The following PTPRD variants were observed in gnomAD, a reference collection of about 807,000 sequenced individuals.
The protein encoded by PTPRD is receptor-type tyrosine-protein phosphatase delta.
Under a neutral mutation model 214.5 loss-of-function variants are expected in PTPRD, and 34 were observed. That is an observed-to-expected ratio of 0.16 (90% CI 0.12 to 0.21). The LOEUF (loss-of-function observed/expected upper bound fraction) is 0.21. PTPRD is among the 10% of genes least tolerant of loss of function. PTPRD has a pLI of 1.00. For synonymous variants in PTPRD, 1,128 were observed against 845.7 expected, an observed-to-expected ratio of 1.33 and a Z score of -5.79; for missense variants, 2,545 against 2,398.7, an observed-to-expected ratio of 1.06 and a Z score of -1.27.
intron 9 of PTPRD, among the ~76,000 whole-genome samples, chr9:9,380,305 T>C (rs1181606161): frequency 6.6e-6 from 1 of 152,118 alleles, no homozygotes; most frequent in Non-Finnish European, 1.5e-5. Context: ...TTTAAAATTG[T>C]CTTGAGATTT....
At chr9:10,512,284 G>A (rs530785696) in intron 2 of PTPRD, among the ~76,000 whole-genome samples, 1 of 152,114 alleles carries the variant, frequency 6.6e-6, no homozygotes, top group East Asian at 1.9e-4. Context: ...ATAGGAAAGA[G>A]AGGGAGAGAG....
rs533888571 is a variant in PTPRD at position 10,286,834 on chromosome 9, C to T, written c.-545+54129G>A. 3.9e-5 allele frequency among the ~76,000 whole-genome samples: 6 copies of T among 152,184 alleles called. No homozygotes were observed. In the South Asian group the frequency reaches 6.2e-4, roughly 16 times the overall value. On this transcript the variant is annotated intron_variant, in intron 3 of 45. Transcript: ENST00000381196. The stretch of plus-strand genomic sequence containing the variant: ...CAGGCTGGTCTTGAACTCCTGACCT[C>T]ATGATCCACCCGCCTCAGCCTCCCA...
At chr9:10,450,103 C>T (rs968384437) in intron 2 of PTPRD, among the ~76,000 whole-genome samples, 16 of 151,802 alleles carry the variant, frequency 1.1e-4, no homozygotes, top group East Asian at 1.9e-4. Flanking sequence ...ACAAACACTG[C>T]GGAAGGCCGC....
At chr9:9,860,848 T>A (rs1249089317) in intron 5 of PTPRD, among the ~76,000 whole-genome samples, 1 of 152,204 alleles carries the variant, frequency 6.6e-6, no homozygotes, top group Non-Finnish European at 1.5e-5. Context: ...AACAGAGATG[T>A]TGGTTTTGTT....
intron 7 of PTPRD, among the ~76,000 whole-genome samples, chr9:9,601,185 A>G (rs2093739167): frequency 6.6e-6 from 1 of 150,720 alleles, no homozygotes; most frequent in African/African-American, 2.4e-5. Context: ...AGAGAGAAAG[A>G]AAGAGATTTG....
At chr9:9,134,563 A>G (rs2154476920) in intron 10 of PTPRD, among the ~76,000 whole-genome samples, 1 of 152,190 alleles carries the variant, frequency 6.6e-6, no homozygotes, top group East Asian at 1.9e-4. Flanking sequence ...ATCTCTTTCC[A>G]CACAAAATTC....
rs7861364 is a variant in PTPRD, at chr9:8,911,907, C to G, written c.-104+106790G>C. ...TATATGAATGATTAATAAAAAAATTCTCGCTTCGTTAGTCATTAGATAAAT... is the reference window on the plus strand; with the variant it reads ...TATATGAATGATTAATAAAAAAATTGTCGCTTCGTTAGTCATTAGATAAAT... On this transcript the variant is annotated intron_variant, in intron 11 of 45. Coordinates refer to ENST00000381196, the MANE Select transcript of PTPRD (RefSeq NM_002839.4). Among the ~76,000 whole-genome samples the G allele has an allele frequency of 7.8e-3, 1,183 of 152,190 alleles. 15 individuals are homozygous for G. The highest frequency in any genetic ancestry group is 0.027 in the African/African-American group (1,123 of 41,502).
intron 8 of PTPRD, among the ~76,000 whole-genome samples, chr9:9,430,416 T>G (rs894383177): frequency 1.3e-5 from 2 of 151,634 alleles, no homozygotes; most frequent in Non-Finnish European, 2.9e-5. Context: ...CACAAACAAA[T>G]GGAAGAACAT....
At chr9:10,139,652 C>T (rs889511832) in intron 3 of PTPRD, among the ~76,000 whole-genome samples, 2 of 152,140 alleles carry the variant, frequency 1.3e-5, no homozygotes, top group Non-Finnish European at 2.9e-5. Flanking sequence ...TACAAGGGTA[C>T]AGGAACCAAA....
chr9:8,815,657 GT>G (rs921146204), intron 11 of PTPRD, among the ~76,000 whole-genome samples: 5 of 151,950 alleles, frequency 3.3e-5, no homozygotes, highest in Non-Finnish European at 5.9e-5. Context: ...GAGATTATGG[GT>G]TTTTTTTCCC....
At chr9:10,364,968 G>A (rs570247833) in intron 2 of PTPRD, among the ~76,000 whole-genome samples, 104 of 152,210 alleles carry the variant, frequency 6.8e-4, no homozygotes, top group Non-Finnish European at 1.4e-3. Flanking sequence ...GCCAATAAGC[G>A]CTGTGCTGAA....
chr9:9,190,462 T>C (rs893666161), intron 9 of PTPRD, among the ~76,000 whole-genome samples: 3 of 152,132 alleles, frequency 2.0e-5, no homozygotes, highest in African/African-American at 4.8e-5. Context: ...GCAGCTGCCA[T>C]GTAAGAAGTG....
At chr9:9,067,724 C>T (rs1459007583) in intron 10 of PTPRD, among the ~76,000 whole-genome samples, 1 of 152,142 alleles carries the variant, frequency 6.6e-6, no homozygotes. Context: ...TCCAGTTTCT[C>T]TCAGTGGTAA....
At chr9:9,866,961 T>C (rs4433197) in intron 5 of PTPRD, among the ~76,000 whole-genome samples, 12,934 of 152,158 alleles carry the variant, frequency 0.085, 1,319 homozygotes, top group African/African-American at 0.25. Flanking sequence ...ATTTGTTCTT[T>C]CATATTTTGT....
chr9:9,159,850 A>G (rs1351029517), intron 10 of PTPRD, among the ~76,000 whole-genome samples: 1 of 152,206 alleles, frequency 6.6e-6, no homozygotes, highest in Non-Finnish European at 1.5e-5. Flanking sequence ...TGGCATAGAA[A>G]CAGACACATC....
chr9:8,934,417 GTGTGTATA>G (rs1486460729), intron 11 of PTPRD, among the ~76,000 whole-genome samples: 1 of 36,220 alleles, frequency 2.8e-5, no homozygotes, highest in Admixed American at 4.7e-4. Context: ...GTGTGTGTGT[GTGTGTATA>G]TATATATATA....
intron 14 of PTPRD, among the ~76,000 whole-genome samples, chr9:8,552,651 G>A (rs1242887732): frequency 1.3e-5 from 2 of 152,122 alleles, no homozygotes; most frequent in Admixed American, 1.3e-4. Context: ...GAATATGGAT[G>A]ATGACCCTTC....
intron 7 of PTPRD, among the ~76,000 whole-genome samples, chr9:9,599,882 T>C (rs935159446): frequency 6.6e-6 from 1 of 152,032 alleles, no homozygotes; most frequent in African/African-American, 2.4e-5. Context: ...AAGCAAATTG[T>C]AAAACTCAAT....
chr9:8,840,103 C>G (rs2570298), intron 11 of PTPRD, among the ~76,000 whole-genome samples: 111,794 of 152,126 alleles, frequency 0.73, 41,423 homozygotes, highest in African/African-American at 0.83. Context: ...ATAAAAGTTA[C>G]GGTATAGAAC....
Sources: gnomAD v4.1 joint callset for allele counts (sites outside exome capture counted in the v4.1 genomes callset) on GRCh38, gnomAD v4.1.1 for gene constraint, MANE v1.5 for transcripts, NCBI Gene and HGNC (gene_info 2026-07-23, HGNC 2026-07-21) for gene names.